LURAP1L: variants seen among roughly 807,000 people sequenced by gnomAD.
LURAP1L encodes leucine rich adaptor protein 1 like.
Under a neutral mutation model 13.8 loss-of-function variants are expected in LURAP1L, and 12 were observed. The ratio of observed to expected loss-of-function variants is 0.87; its 90% CI spans 0.56 to 1.41. The LOEUF is 1.41. Ranked by LOEUF, LURAP1L falls within the 40% of genes most tolerant of loss-of-function variation. The pLI is 0.00. For missense variants in LURAP1L, 375 were observed against 292.9 expected (o/e 1.28, Z -2.04); for synonymous variants, 139 against 119.2 (o/e 1.17, Z -1.08).
intron 1 of LURAP1L, among the ~76,000 whole-genome samples, chr9:12,806,442 A>G (rs770810943): frequency 6.6e-6 from 1 of 152,202 alleles, no homozygotes; most frequent in Admixed American, 6.5e-5. Context: ...CAAATCTACC[A>G]GTCAATTTAC....
intron 1 of LURAP1L, among the ~76,000 whole-genome samples, chr9:12,794,301 G>A (rs1819484084): frequency 6.6e-6 from 1 of 151,924 alleles, no homozygotes; most frequent in Non-Finnish European, 1.5e-5. Context: ...GGTCATTTTT[G>A]TTTGCTTTCT....
intron 1 of LURAP1L, among the ~76,000 whole-genome samples, chr9:12,803,434 G>A (rs551060222): frequency 9.9e-5 from 15 of 152,140 alleles, no homozygotes; most frequent in African/African-American, 3.1e-4. Flanking sequence ...AGCTTTCTTC[G>A]CTATTCCCAC....
At chr9:12,798,514 A>G (rs1484379349) in intron 1 of LURAP1L, among the ~76,000 whole-genome samples, 1 of 152,216 alleles carries the variant, frequency 6.6e-6, no homozygotes, top group Non-Finnish European at 1.5e-5. Context: ...TGTAGTAAGA[A>G]CTGAGAAAAG....
At position 12,811,821 on chromosome 9, in the gene LURAP1L, G is replaced by C. The variant is rs188809823; in HGVS notation, c.313-9565G>C. Among the ~76,000 whole-genome samples the C allele has an allele frequency of 2.6e-5, 4 of 152,244 alleles. No homozygotes were observed. The East Asian group carries it at 7.7e-4, about 29-fold the overall frequency. On this transcript the variant is annotated intron_variant, in intron 1 of 1. Coordinates refer to ENST00000319264, the MANE Select transcript of LURAP1L (RefSeq NM_203403.2). ...CACAGTTCTATATTAGGGAGTCTGG[G>C]CACAGATCAAGTGAAGGCCCCTGGA...
chr9:12,820,155 C>A, intron 1 of LURAP1L, among the ~76,000 whole-genome samples: 1 of 152,122 alleles, frequency 6.6e-6, no homozygotes, highest in East Asian at 1.9e-4. Flanking sequence ...TGCAAAGAGA[C>A]CCTGCTTTGT....
rs972157316 is a variant in LURAP1L at position 12,775,668 on chromosome 9, C to T, written c.-48C>T. ...CAGCAGCCTTCGAAGCCGTGGCTGC[C>T]TTTCATCTGCTGCGTTTTATTACTA... is the stretch of plus-strand genomic sequence containing the variant. On this transcript the variant is annotated 5_prime_UTR_variant, in exon 1 of 2. Coordinates refer to ENST00000319264, the MANE Select transcript of LURAP1L (RefSeq NM_203403.2). The T allele has an allele frequency of 2.0e-5, 30 of 1,524,528 alleles. No homozygotes were observed. The highest frequency in any genetic ancestry group is 2.4e-5 in the Non-Finnish European group (27 of 1,139,724). 94.4% of individuals were successfully genotyped at this position (1,524,528 alleles called of 1,614,324 possible).
At chr9:12,780,104 T>C (rs1165276852) in intron 1 of LURAP1L, among the ~76,000 whole-genome samples, 1 of 152,162 alleles carries the variant, frequency 6.6e-6, no homozygotes, top group Admixed American at 6.5e-5. Context: ...GGTAGCATTT[T>C]AGTTCCCCAA....
At chr9:12,779,793 A>C (rs1229459395) in intron 1 of LURAP1L, among the ~76,000 whole-genome samples, 3 of 152,162 alleles carry the variant, frequency 2.0e-5, no homozygotes, top group Non-Finnish European at 4.4e-5. Flanking sequence ...CTTCTCCCAG[A>C]ATTTCAAAAC....
intron 1 of LURAP1L, among the ~76,000 whole-genome samples, chr9:12,779,368 A>G (rs1819237918): frequency 1.5e-5 from 2 of 129,644 alleles, no homozygotes; most frequent in South Asian, 4.9e-4. Flanking sequence ...TCCGCCTCCC[A>G]GGTTCAGGCC....
intron 1 of LURAP1L, among the ~76,000 whole-genome samples, chr9:12,814,517 C>G: frequency 6.6e-6 from 1 of 152,168 alleles, no homozygotes; most frequent in East Asian, 1.9e-4. Flanking sequence ...ATTGACATCA[C>G]AGGCATCTAA....
intron 1 of LURAP1L, among the ~76,000 whole-genome samples, chr9:12,802,474 T>G (rs2118516174): frequency 6.6e-6 from 1 of 152,260 alleles, no homozygotes; most frequent in South Asian, 2.1e-4. Flanking sequence ...CCACGTGAAA[T>G]GCTAGCTCTC....
rs1041808090 is a variant in LURAP1L, at chr9:12,793,491, G to C, written c.312+17464G>C. ...GGACTTGTTTGGTTACTCAACAGCC[G>C]TGTTTCTTTTATTGCCCTCCTTTCC... On this transcript the variant is annotated intron_variant, in intron 1 of 1. Coordinates refer to ENST00000319264, the MANE Select transcript of LURAP1L (RefSeq NM_203403.2). Among the ~76,000 whole-genome samples, 3 of 152,104 alleles carry C rather than the reference G, an allele frequency of 2.0e-5. No individual in the cohort carries two copies. In the East Asian group the frequency reaches 5.8e-4, roughly 29 times the overall value.
intron 1 of LURAP1L, among the ~76,000 whole-genome samples, chr9:12,780,748 A>T (rs199753794): frequency 9.1e-3 from 103 of 11,274 alleles, no homozygotes; most frequent in Middle Eastern, 0.031. Context: ...TCTTTTTTTT[A>T]AAAAAAATAA....
At chr9:12,786,255 TCTC>T (rs1819349008) in intron 1 of LURAP1L, among the ~76,000 whole-genome samples, 1 of 151,818 alleles carries the variant, frequency 6.6e-6, no homozygotes, top group Admixed American at 6.6e-5. Flanking sequence ...TTCTGTCACT[TCTC>T]CTATACAAAC....
chr9:12,795,848 C>T (rs1301951020), intron 1 of LURAP1L, among the ~76,000 whole-genome samples: 2 of 151,762 alleles, frequency 1.3e-5, no homozygotes, highest in Non-Finnish European at 2.9e-5. Flanking sequence ...TTGGAATAGT[C>T]ATAAACAAGA....
intron 1 of LURAP1L, among the ~76,000 whole-genome samples, chr9:12,810,677 C>T (rs1819724538): frequency 6.6e-6 from 1 of 152,044 alleles, no homozygotes. Flanking sequence ...ATTAATATTC[C>T]TAAAGCCATT....
In LURAP1L at chr9:12,775,465, G is replaced by C. The variant is rs1022378817; in HGVS notation, c.-251G>C. The C allele has an allele frequency of 1.3e-5, 6 of 459,476 alleles. No individual in the cohort carries two copies. Among genetic ancestry groups the C allele is most frequent in the African/African-American group, 1.2e-4 (6 of 49,106 alleles). The allele number at this position is 459,476 out of a possible 1,614,324, so 28.5% of individuals were successfully genotyped here. On this transcript the variant is annotated 5_prime_UTR_variant, in exon 1 of 2. Transcript: ENST00000319264. Reference sequence around the variant, plus strand: ...AGGTGGCCAAAAAGAGAGAGAATGAGGAGATCTTGATCATCTTAGTGTCGG... The same window carrying C: ...AGGTGGCCAAAAAGAGAGAGAATGACGAGATCTTGATCATCTTAGTGTCGG...
intron 1 of LURAP1L, among the ~76,000 whole-genome samples, chr9:12,780,747 T>TA (rs35077919): frequency 1.3e-5 from 2 of 151,546 alleles, no homozygotes; most frequent in Admixed American, 1.3e-4. Flanking sequence ...TTCTTTTTTT[T>TA]AAAAAAAATA....
At chr9:12,806,380 A>G (rs969003577) in intron 1 of LURAP1L, among the ~76,000 whole-genome samples, 13 of 151,584 alleles carry the variant, frequency 8.6e-5, no homozygotes, top group African/African-American at 3.2e-4. Context: ...CTTTGAGATT[A>G]TCTTTTTTTT....
Sources: gnomAD v4.1 joint callset for allele counts (sites outside exome capture counted in the v4.1 genomes callset) on GRCh38, gnomAD v4.1.1 for gene constraint, MANE v1.5 for transcripts, NCBI Gene and HGNC (gene_info 2026-07-23, HGNC 2026-07-21) for gene names.